Variants in ARHGAP15 observed in about 807,000 individuals in gnomAD.
The protein encoded by ARHGAP15 is Rho GTPase activating protein 15.
Under a neutral mutation model 63.7 loss-of-function variants are expected in ARHGAP15, and 51 were observed. The ratio of observed to expected loss-of-function variants is 0.80; its 90% confidence interval spans 0.64 to 1.01. The LOEUF is 1.01. Ranked by LOEUF, ARHGAP15 falls within the 50% of genes least tolerant of loss-of-function variation. ARHGAP15 has a pLI of 0.00. For missense variants in ARHGAP15, 560 were observed against 564.6 expected (o/e 0.99, Z 0.08); for synonymous variants, 191 against 193.8 (o/e 0.99, Z 0.12).
At chr2:143,232,320 G>A (rs975145272) in intron 5 of ARHGAP15, among the ~76,000 whole-genome samples, 3 of 151,996 alleles carry the variant, frequency 2.0e-5, no homozygotes, top group African/African-American at 7.2e-5. Context: ...TTACCAAAAA[G>A]AAAACTGTCC....
At chr2:143,387,620 T>C (rs889012878) in intron 6 of ARHGAP15, among the ~76,000 whole-genome samples, 1 of 152,006 alleles carries the variant, frequency 6.6e-6, no homozygotes, top group African/African-American at 2.4e-5. Flanking sequence ...TATGCACATG[T>C]AGCTAGTCCA....
intron 6 of ARHGAP15, among the ~76,000 whole-genome samples, chr2:143,313,375 TA>T (rs1432306938): frequency 6.6e-6 from 1 of 152,188 alleles, no homozygotes; most frequent in Non-Finnish European, 1.5e-5. Flanking sequence ...TCAACAGAGT[TA>T]TAACTTAATA....
At chr2:143,586,185 C>T (rs150737645) in intron 11 of ARHGAP15, among the ~76,000 whole-genome samples, 37 of 152,268 alleles carry the variant, frequency 2.4e-4, no homozygotes, top group Middle Eastern at 3.4e-3. Context: ...CTGCCTGGAA[C>T]ACCATATGGC....
intron 2 of ARHGAP15, among the ~76,000 whole-genome samples, chr2:143,196,268 C>A (rs1261238181): frequency 6.6e-6 from 1 of 151,856 alleles, no homozygotes; most frequent in Non-Finnish European, 1.5e-5. Flanking sequence ...TTCAGTAATA[C>A]TAGGTTCAAA....
chr2:143,601,355 G>A (rs1306847611), intron 11 of ARHGAP15, among the ~76,000 whole-genome samples: 1 of 151,990 alleles, frequency 6.6e-6, no homozygotes, highest in Non-Finnish European at 1.5e-5. Flanking sequence ...TGATAGCAAG[G>A]GAAAGGTAAT....
At chr2:143,583,464 C>T (rs1330996287) in intron 11 of ARHGAP15, among the ~76,000 whole-genome samples, 3 of 152,006 alleles carry the variant, frequency 2.0e-5, no homozygotes, top group Admixed American at 6.6e-5. Flanking sequence ...TTTTTACGAA[C>T]TGTTACTTTT....
intron 13 of ARHGAP15, chr2:143,706,653 G>A (rs1466312287): frequency 2.0e-5 from 3 of 152,140 alleles, no homozygotes; most frequent in Non-Finnish European, 4.4e-5. Flanking sequence ...TAAGCATAAG[G>A]TTGCACAATG....
chr2:143,705,851 T>C (rs1684303406), intron 13 of ARHGAP15, among the ~76,000 whole-genome samples: 1 of 152,200 alleles, frequency 6.6e-6, no homozygotes, highest in Admixed American at 6.5e-5. Context: ...CTTCAAAGGA[T>C]GACGATCGTC....
intron 12 of ARHGAP15, among the ~76,000 whole-genome samples, chr2:143,634,963 GA>G (rs1486026232): frequency 6.6e-6 from 1 of 151,948 alleles, no homozygotes; most frequent in Non-Finnish European, 1.5e-5. Flanking sequence ...GGTGGCACCA[GA>G]AGAGCCAACT....
intron 6 of ARHGAP15, among the ~76,000 whole-genome samples, chr2:143,413,966 T>TGTGTGCGCGTGCGC: frequency 8.5e-6 from 1 of 117,910 alleles, no homozygotes; most frequent in African/African-American, 3.5e-5. Flanking sequence ...TGTGTGTGTG[T>TGTGTGCGCGTGCGC]GCGCGCTCTC....
chr2:143,536,133 C>T (rs1459874277), intron 10 of ARHGAP15, among the ~76,000 whole-genome samples: 1 of 152,032 alleles, frequency 6.6e-6, no homozygotes, highest in South Asian at 2.1e-4. Flanking sequence ...CCAATAGATC[C>T]CTTGAAATTT....
intron 13 of ARHGAP15, among the ~76,000 whole-genome samples, chr2:143,724,005 G>C (rs1685174518): frequency 6.6e-6 from 1 of 151,908 alleles, no homozygotes; most frequent in Non-Finnish European, 1.5e-5. Flanking sequence ...CTCAGCCACT[G>C]TTTTATCACC....
intron 6 of ARHGAP15, chr2:143,314,725 T>C (rs1256241958): frequency 2.7e-5 from 4 of 147,212 alleles, no homozygotes; most frequent in African/African-American, 1.1e-4. Flanking sequence ...TAGATGATAA[T>C]GGAAAATATT....
intron 10 of ARHGAP15, among the ~76,000 whole-genome samples, chr2:143,540,834 T>A (rs1429210469): frequency 1.3e-5 from 2 of 152,180 alleles, no homozygotes; most frequent in Non-Finnish European, 2.9e-5. Context: ...TCAACTTTGG[T>A]GAATCTGACA....
At chr2:143,241,447 T>C (rs1693857233) in intron 5 of ARHGAP15, among the ~76,000 whole-genome samples, 2 of 152,208 alleles carry the variant, frequency 1.3e-5, no homozygotes, top group Non-Finnish European at 2.9e-5. Flanking sequence ...TAATTGTATT[T>C]ATCGTTGTCG....
chr2:143,232,822 A>AGTGTATGT, intron 5 of ARHGAP15, among the ~76,000 whole-genome samples: 1 of 152,230 alleles, frequency 6.6e-6, no homozygotes, highest in South Asian at 2.1e-4. Context: ...ATGGAATCCT[A>AGTGTATGT]GTGTATGTTT....
chr2:143,218,277 CTTTTTTT>C (rs762494225), intron 4 of ARHGAP15, among the ~76,000 whole-genome samples: 47 of 92,046 alleles, frequency 5.1e-4, no homozygotes, highest in South Asian at 2.8e-3. Context: ...TTTAGTTTTC[CTTTTTTT>C]TTTTTTTTTT....
At chr2:143,265,204 A>G (rs931092760) in intron 6 of ARHGAP15, among the ~76,000 whole-genome samples, 5 of 148,810 alleles carry the variant, frequency 3.4e-5, no homozygotes, top group Non-Finnish European at 5.9e-5. Context: ...AAAATCAGAG[A>G]AAATTGTATA....
At chr2:143,709,433 A>G (rs1421364032) in intron 13 of ARHGAP15, among the ~76,000 whole-genome samples, 1 of 152,238 alleles carries the variant, frequency 6.6e-6, no homozygotes, top group Non-Finnish European at 1.5e-5. Context: ...TTTACGTGCA[A>G]ATAAACATTA....
Sources: allele counts gnomAD v4.1 joint callset (sites outside exome capture counted in the v4.1 genomes callset), GRCh38; gene constraint gnomAD v4.1.1; transcripts MANE v1.5; gene names NCBI Gene and HGNC (gene_info 2026-07-23, HGNC 2026-07-21).